The following RASEF variants were observed in gnomAD, a reference collection of about 807,000 sequenced individuals.
RASEF encodes the protein RAS and EF-hand domain containing, also known as ras and EF-hand domain-containing protein.
Under a neutral mutation model 90.1 loss-of-function variants are expected in RASEF, and 68 were observed. That is an observed-to-expected ratio of 0.75 (90% CI 0.62 to 0.92). The LOEUF (loss-of-function observed/expected upper bound fraction) is 0.92. Ranked by LOEUF, RASEF falls within the 40% of genes least tolerant of loss-of-function variation. The pLI is 0.00. For synonymous variants in RASEF, 331 were observed against 345.2 expected (o/e 0.96, Z 0.46); for missense variants, 949 against 937.2 (o/e 1.01, Z -0.16).
chr9:83,013,272 G>C (rs954310445), intron 4 of RASEF, among the ~76,000 whole-genome samples: 13 of 152,156 alleles, frequency 8.5e-5, no homozygotes, highest in African/African-American at 3.1e-4. Flanking sequence ...GAATGGTAGG[G>C]ATCTGTTGGT....
the RASEF span, among the ~76,000 whole-genome samples, chr9:83,128,394 A>G: frequency 1.1e-4 from 16 of 150,684 alleles, no homozygotes; most frequent in Non-Finnish European, 1.8e-4. Context: ...TATTTCATAT[A>G]TATCTACCCT....
intron 9 of RASEF, 150 bp downstream of exon 9, chr9:83,004,348 T>C (rs1031281659): frequency 1.8e-5 from 10 of 547,996 alleles, no homozygotes; most frequent in Non-Finnish European, 3.2e-5. Context: ...AATTTTTACA[T>C]GATTCATGTT....
chr9:83,205,934 G>A, the RASEF span, among the ~76,000 whole-genome samples: 1 of 152,098 alleles, frequency 6.6e-6, no homozygotes. Context: ...TTTGGGGGCA[G>A]TAGAATATAA....
chr9:83,063,146 C>A (rs139099142), upstream of RASEF: 907 of 413,462 alleles, frequency 2.2e-3, 1 homozygote, highest in Non-Finnish European at 2.6e-3. Context: ...TGCGACTGAG[C>A]GCCCAAGCGC....
chr9:83,144,219 TCTATTGGGTAC>T, the RASEF span, among the ~76,000 whole-genome samples: 1 of 151,136 alleles, frequency 6.6e-6, no homozygotes, highest in African/African-American at 2.4e-5. Flanking sequence ...TGAAAAATTA[TCTATTGGGTAC>T]CACTCTCACT....
the RASEF span, among the ~76,000 whole-genome samples, chr9:83,111,680 AT>A: frequency 6.4e-4 from 97 of 151,136 alleles, no homozygotes; most frequent in African/African-American, 2.0e-3. Context: ...TACAATTGTC[AT>A]TTTTTTTTGT....
At chr9:83,113,327 A>C in the RASEF span, among the ~76,000 whole-genome samples, 3 of 152,302 alleles carry the variant, frequency 2.0e-5, no homozygotes, top group Admixed American at 6.5e-5. Flanking sequence ...TAATCACGTT[A>C]TCTTCATAAG....
At chr9:83,008,357 A>AT (rs918473383) in intron 6 of RASEF, among the ~76,000 whole-genome samples, 18 of 150,688 alleles carry the variant, frequency 1.2e-4, no homozygotes, top group African/African-American at 9.7e-5. Context: ...AAACTTTTTA[A>AT]TTTTTTTTTT....
chr9:83,105,305 C>G, the RASEF span, among the ~76,000 whole-genome samples: 1 of 151,988 alleles, frequency 6.6e-6, no homozygotes, highest in East Asian at 1.9e-4. Flanking sequence ...TACTGAGCAG[C>G]ACTATGTTAA....
At chr9:83,067,183 C>G (rs1052426493), upstream of RASEF, among the ~76,000 whole-genome samples, 1 of 152,090 alleles carries the variant, frequency 6.6e-6, no homozygotes, top group African/African-American at 2.4e-5. Flanking sequence ...CAGAAAGATC[C>G]GAAATGCCAT....
chr9:83,004,117 G>A (rs973230310), intron 9 of RASEF, among the ~76,000 whole-genome samples: 1 of 152,026 alleles, frequency 6.6e-6, no homozygotes, highest in Non-Finnish European at 1.5e-5. Flanking sequence ...ATATTATGCT[G>A]AGCTATTAAA....
At chr9:83,030,455 A>G (rs1268946948) in intron 1 of RASEF, among the ~76,000 whole-genome samples, 2 of 152,126 alleles carry the variant, frequency 1.3e-5, no homozygotes, top group Non-Finnish European at 2.9e-5. Context: ...AGATTCCCTC[A>G]CTTTTTGCAA....
chr9:83,011,479 G>A (rs1829241778), intron 5 of RASEF, among the ~76,000 whole-genome samples: 1 of 134,530 alleles, frequency 7.4e-6, no homozygotes, highest in Non-Finnish European at 1.5e-5. Flanking sequence ...TTGAACCCAG[G>A]AGATGGAGGT....
intron 16 of RASEF, among the ~76,000 whole-genome samples, chr9:82,983,329 G>A (rs1828651855): frequency 6.6e-6 from 1 of 152,098 alleles, no homozygotes; most frequent in African/African-American, 2.4e-5. Context: ...GATCATGGAG[G>A]TAACAATGGA....
At chr9:83,213,117 C>T in the RASEF span, among the ~76,000 whole-genome samples, 11 of 145,786 alleles carry the variant, frequency 7.5e-5, no homozygotes, top group Non-Finnish European at 1.5e-4. Flanking sequence ...AGAAAGAAAA[C>T]AACTAGGCAC....
At chr9:83,199,208 CT>C in the RASEF span, among the ~76,000 whole-genome samples, 1 of 127,562 alleles carries the variant, frequency 7.8e-6, no homozygotes. Flanking sequence ...TTGGAGGCAT[CT>C]GGACAGCCCT....
intron 12 of RASEF, among the ~76,000 whole-genome samples, chr9:82,998,831 G>C (rs1186071318): frequency 6.6e-6 from 1 of 152,034 alleles, no homozygotes; most frequent in South Asian, 2.1e-4. Context: ...ATGTGTGTAG[G>C]TGCAGATACG....
chr9:83,089,525 T>C, the RASEF span, among the ~76,000 whole-genome samples: 1 of 152,188 alleles, frequency 6.6e-6, no homozygotes. Flanking sequence ...AATTTCTCTT[T>C]CATTTTTAAA....
chr9:83,028,558 C>T (rs376792627), intron 1 of RASEF, among the ~76,000 whole-genome samples: 8 of 152,230 alleles, frequency 5.3e-5, no homozygotes, highest in South Asian at 2.1e-4. Context: ...GCTATGAGGG[C>T]GCAAGAAAGA....
Sources: gnomAD v4.1 joint callset for allele counts (sites outside exome capture counted in the v4.1 genomes callset) on GRCh38, gnomAD v4.1.1 for gene constraint, MANE v1.5 for transcripts, NCBI Gene and HGNC (gene_info 2026-07-23, HGNC 2026-07-21) for gene names.